AK5: variants seen among roughly 807,000 people sequenced by gnomAD.
AK5 encodes adenylate kinase isoenzyme 5.
A neutral mutation model predicts 69.5 loss-of-function variants in AK5; 27 were observed. The observed-to-expected ratio is 0.39, with a 90% confidence interval of 0.29 to 0.54. AK5 has a LOEUF of 0.54. Among genes scored for constraint, AK5 ranks in the 20% least tolerant of loss-of-function variants. The pLI, the probability that AK5 is intolerant of heterozygous loss-of-function variation, is 0.71. For missense variants in AK5, 531 were observed against 700.4 expected, an observed-to-expected ratio of 0.76 and a Z score of 2.73; for synonymous variants, 260 against 244.4, an observed-to-expected ratio of 1.06 and a Z score of -0.60.
chr1:77,410,937 G>A (rs1373549281), intron 6 of AK5, 44 bp from the exon 7 acceptor site: 2 of 1,479,316 alleles, frequency 1.4e-6, no homozygotes, highest in Admixed American at 1.7e-5. Flanking sequence ...TAACTAATTT[G>A]TGTATTCTCA....
At chr1:77,536,092 T>C (rs1658950904) in intron 13 of AK5, 54 bp downstream of exon 13, 2 of 1,501,748 alleles carry the variant, frequency 1.3e-6, no homozygotes, top group Non-Finnish European at 8.9e-7. Context: ...TTTTTTTTTT[T>C]TCCAAGAAAA....
intron 9 of AK5, 51 bp from the exon 10 acceptor site, chr1:77,486,257 G>C: frequency 8.1e-7 from 1 of 1,241,694 alleles, no homozygotes; most frequent in Non-Finnish European, 1.2e-6. Flanking sequence ...TAAAACCAGG[G>C]CTTCAGTACA....
intron 6 of AK5, among the ~76,000 whole-genome samples, chr1:77,389,403 G>A (rs1205469341): frequency 6.6e-6 from 1 of 152,182 alleles, no homozygotes; most frequent in Non-Finnish European, 1.5e-5. Flanking sequence ...TAATAGGGAA[G>A]AAGGAAGTAT....
At chr1:77,348,322 A>G (rs944163834) in intron 6 of AK5, among the ~76,000 whole-genome samples, 5 of 152,288 alleles carry the variant, frequency 3.3e-5, no homozygotes, top group African/African-American at 9.6e-5. Flanking sequence ...TCATTGTTCA[A>G]TTCCCACCTA....
At chr1:77,282,645 C>T (rs1658124594) in intron 1 of AK5, 2 of 1,211,446 alleles carry the variant, frequency 1.7e-6, no homozygotes, top group Non-Finnish European at 2.1e-6. Context: ...CCCATCGCGC[C>T]CCTCGGATGT....
intron 6 of AK5, among the ~76,000 whole-genome samples, chr1:77,374,550 A>G (rs1044603317): frequency 6.6e-6 from 1 of 151,912 alleles, no homozygotes; most frequent in African/African-American, 2.4e-5. Context: ...AAGAAAGAGT[A>G]TATAGTAGAA....
Position 77,287,100 on chromosome 1 carries a change from C to A in AK5, c.220C>A (p.Gln74Lys). The A allele has an allele frequency of 6.3e-7, 1 of 1,594,938 alleles. No individual in the cohort carries two copies. Among genetic ancestry groups the A allele is most frequent in the African/African-American group, 1.4e-5 (1 of 73,914 alleles). ...KKTLPPLNGG[Q>K]SRRSFLRNVM... ...GACCTTACCTCCACTAAATGGAGGA[C>A]AGTCACGGAGATCCTTTCTAAGAAA... is the stretch of plus-strand genomic sequence containing the variant. Residue 74 changes from glutamine (Q) to lysine (K), a missense_variant, in exon 2 of 14, where the codon CAG (glutamine) becomes AAG (lysine). Transcript: ENST00000354567.
intron 10 of AK5, among the ~76,000 whole-genome samples, chr1:77,505,910 A>G (rs2100275522): frequency 6.6e-6 from 1 of 152,198 alleles, no homozygotes; most frequent in East Asian, 1.9e-4. Flanking sequence ...ATAAATAAAT[A>G]GAAGGAAAAA....
At chr1:77,307,179 G>T (rs1220674647) in intron 5 of AK5, among the ~76,000 whole-genome samples, 1 of 151,292 alleles carries the variant, frequency 6.6e-6, no homozygotes, top group African/African-American at 2.4e-5. Context: ...AATTCAGGAT[G>T]CATCTTTAGA....
At chr1:77,508,755 T>C (rs1657159474) in intron 10 of AK5, among the ~76,000 whole-genome samples, 1 of 151,844 alleles carries the variant, frequency 6.6e-6, no homozygotes, top group Non-Finnish European at 1.5e-5. Flanking sequence ...TAATCCCAGC[T>C]ACTCGAGAGG....
At chr1:77,421,696 G>A (rs1259286379) in intron 8 of AK5, among the ~76,000 whole-genome samples, 1 of 152,150 alleles carries the variant, frequency 6.6e-6, no homozygotes, top group Non-Finnish European at 1.5e-5. Flanking sequence ...CAGCCACAAA[G>A]CTTCTGCTCC....
intron 6 of AK5, among the ~76,000 whole-genome samples, chr1:77,399,642 T>G (rs1353704510): frequency 6.6e-6 from 1 of 152,094 alleles, no homozygotes; most frequent in Non-Finnish European, 1.5e-5. Flanking sequence ...AGACCAGACA[T>G]GGCCCATATC....
chr1:77,558,565 T>G, intron 13 of AK5, 37 bp from the exon 14 acceptor site: 1 of 1,285,122 alleles, frequency 7.8e-7, no homozygotes, highest in South Asian at 1.2e-5. Context: ...TTTACAGATA[T>G]TTCAGACTAA....
chr1:77,416,408 C>G (rs1650431606), intron 7 of AK5, among the ~76,000 whole-genome samples: 1 of 152,160 alleles, frequency 6.6e-6, no homozygotes, highest in South Asian at 2.1e-4. Flanking sequence ...AACTGCAACT[C>G]TTCATGGCAA....
At chr1:77,515,167 A>T (rs1657564084) in intron 10 of AK5, among the ~76,000 whole-genome samples, 1 of 152,180 alleles carries the variant, frequency 6.6e-6, no homozygotes, top group South Asian at 2.1e-4. Context: ...CATCCAGCCC[A>T]TCCCTGACTC....
chr1:77,483,073 C>CATGTACTT (rs569412209), intron 8 of AK5, among the ~76,000 whole-genome samples: 184 of 134,160 alleles, frequency 1.4e-3, no homozygotes, highest in Middle Eastern at 5.1e-3. Context: ...AAGAAGAGAG[C>CATGTACTT]ATGTACTTGG....
intron 6 of AK5, among the ~76,000 whole-genome samples, chr1:77,363,699 T>G (rs1157969544): frequency 6.6e-6 from 1 of 152,160 alleles, no homozygotes; most frequent in East Asian, 1.9e-4. Context: ...CAGGGCCTTT[T>G]GCTGTTTCCC....
chr1:77,544,965 T>C (rs7519476), intron 13 of AK5, among the ~76,000 whole-genome samples: 105,234 of 152,056 alleles, frequency 0.69, 37,234 homozygotes, highest in Non-Finnish European at 0.77. Flanking sequence ...ACCACAAACA[T>C]GTGAGTAATC....
At chr1:77,359,745 T>C (rs1396362737) in intron 6 of AK5, among the ~76,000 whole-genome samples, 2 of 152,220 alleles carry the variant, frequency 1.3e-5, no homozygotes, top group Non-Finnish European at 2.9e-5. Context: ...ATAAATCCTC[T>C]CCCTATGTAA....
Sources: allele counts gnomAD v4.1 joint callset (sites outside exome capture counted in the v4.1 genomes callset), GRCh38; gene constraint gnomAD v4.1.1; transcripts MANE v1.5; gene names NCBI Gene and HGNC (gene_info 2026-07-23, HGNC 2026-07-21).